The following KCNIP4 variants were observed in gnomAD, a reference collection of about 807,000 sequenced individuals.
KCNIP4 encodes the protein potassium voltage-gated channel interacting protein 4, also known as Kv channel-interacting protein 4.
Under a neutral mutation model 34.0 loss-of-function variants are expected in KCNIP4, and 12 were observed. That is an observed-to-expected ratio of 0.35 (90% CI 0.23 to 0.57). The LOEUF (loss-of-function observed/expected upper bound fraction) is 0.57. KCNIP4 is among the 20% of genes least tolerant of loss of function. The probability of loss-of-function intolerance (pLI) is 0.83; values close to 1 mark genes in which losing one functional copy is unlikely to be tolerated. For synonymous variants in KCNIP4, 124 were observed against 102.2 expected (o/e 1.21, Z -1.29); for missense variants, 238 against 311.7 (o/e 0.76, Z 1.78).
Position 21,352,645 on chromosome 4 carries a change from C to T in KCNIP4, c.62-469936G>A, listed in dbSNP as rs1328671502. Among the ~76,000 whole-genome samples, 3 of 152,248 alleles carry T rather than the reference C, an allele frequency of 2.0e-5. No individual in the cohort carries two copies. The East Asian group carries it at 5.8e-4, about 29-fold the overall frequency. On this transcript the variant is annotated intron_variant, in intron 1 of 8. Coordinates refer to ENST00000382152, the MANE Select transcript of KCNIP4 (RefSeq NM_025221.6). ...CAGGAAGCCTGAACTGGGCGGAGCC[C>T]ACCACAGCTCAGCAAGGCCTGCTGC...
chr4:21,247,288 G>A (rs544201121), intron 1 of KCNIP4, among the ~76,000 whole-genome samples: 1 of 151,954 alleles, frequency 6.6e-6, no homozygotes, highest in African/African-American at 2.4e-5. Flanking sequence ...GCTTCTGTTA[G>A]CCATCCATAC....
intron 1 of KCNIP4, among the ~76,000 whole-genome samples, chr4:21,608,167 C>A (rs1560558025): frequency 2.0e-5 from 3 of 152,172 alleles, no homozygotes; most frequent in Admixed American, 6.6e-5. Context: ...TATTCTTCCA[C>A]AACTAATTAC....
At chr4:21,337,070 G>C (rs1716248428) in intron 1 of KCNIP4, among the ~76,000 whole-genome samples, 1 of 151,612 alleles carries the variant, frequency 6.6e-6, no homozygotes, top group African/African-American at 2.4e-5. Context: ...GGTCGTAAAA[G>C]AAGACAGTGA....
At chr4:21,720,013 A>AAGAAGGAGAAGGAGAAGG (rs71191538) in intron 1 of KCNIP4, among the ~76,000 whole-genome samples, 1 of 131,234 alleles carries the variant, frequency 7.6e-6, no homozygotes, top group African/African-American at 3.2e-5. Context: ...AAAGAAGAAG[A>AAGAAGGAGAAGGAGAAGG]AGAAGGAGAA....
At chr4:21,247,865 T>TACACACACAC (rs546614225) in intron 1 of KCNIP4, among the ~76,000 whole-genome samples, 36 of 122,428 alleles carry the variant, frequency 2.9e-4, no homozygotes, top group African/African-American at 1.2e-3. Flanking sequence ...TATATATATA[T>TACACACACAC]ACACACACAC....
intron 1 of KCNIP4, among the ~76,000 whole-genome samples, chr4:21,651,184 A>G (rs1011785851): frequency 6.6e-6 from 1 of 152,170 alleles, no homozygotes; most frequent in East Asian, 1.9e-4. Context: ...TCTTTCTCAC[A>G]GTCAAAGGGA....
chr4:21,780,435 C>T (rs984885889), intron 1 of KCNIP4, among the ~76,000 whole-genome samples: 4 of 152,184 alleles, frequency 2.6e-5, no homozygotes, highest in African/African-American at 9.7e-5. Flanking sequence ...CCACCACCTC[C>T]ACCACTCTCA....
intron 1 of KCNIP4, among the ~76,000 whole-genome samples, chr4:21,912,125 T>A (rs1030911675): frequency 6.6e-6 from 1 of 152,170 alleles, no homozygotes; most frequent in South Asian, 2.1e-4. Flanking sequence ...TCTCATTTTT[T>A]AAACTGTAAT....
intron 1 of KCNIP4, among the ~76,000 whole-genome samples, chr4:21,354,587 A>G (rs1024594500): frequency 1.3e-5 from 2 of 152,226 alleles, no homozygotes; most frequent in African/African-American, 2.4e-5. Context: ...CAATTCAACA[A>G]GAAGTGCTAA....
chr4:21,616,664 C>T (rs1397508695), intron 1 of KCNIP4, among the ~76,000 whole-genome samples: 1 of 152,066 alleles, frequency 6.6e-6, no homozygotes, highest in East Asian at 1.9e-4. Context: ...GCTGGCAATC[C>T]GAGATTTTTC....
At chr4:20,926,723 G>A (rs914868462) in intron 1 of KCNIP4, among the ~76,000 whole-genome samples, 2 of 152,164 alleles carry the variant, frequency 1.3e-5, no homozygotes, top group Non-Finnish European at 2.9e-5. Context: ...TTACAGCTGA[G>A]TTTCCACATG....
chr4:21,396,715 G>T (rs1407837641), intron 1 of KCNIP4, among the ~76,000 whole-genome samples: 1 of 152,044 alleles, frequency 6.6e-6, no homozygotes. Context: ...ACAACAGCAA[G>T]GGGGTCAGAG....
At chr4:21,552,037 T>A (rs527517253) in intron 1 of KCNIP4, among the ~76,000 whole-genome samples, 2 of 144,674 alleles carry the variant, frequency 1.4e-5, no homozygotes, top group East Asian at 2.0e-4. Flanking sequence ...AGAGCTTTTT[T>A]TAAAAAAAAA....
intron 1 of KCNIP4, among the ~76,000 whole-genome samples, chr4:21,283,831 A>G (rs1038218224): frequency 1.3e-5 from 2 of 151,978 alleles, no homozygotes; most frequent in Admixed American, 1.3e-4. Context: ...AAATCATGCT[A>G]CTATAAAGAC....
intron 1 of KCNIP4, among the ~76,000 whole-genome samples, chr4:21,361,679 T>C (rs1321950833): frequency 6.7e-6 from 1 of 149,986 alleles, no homozygotes; most frequent in Non-Finnish European, 1.5e-5. Context: ...AGATTGTTTT[T>C]TTTTTCATTC....
intron 1 of KCNIP4, among the ~76,000 whole-genome samples, chr4:21,458,057 T>G (rs2109765335): frequency 6.6e-6 from 1 of 151,626 alleles, no homozygotes; most frequent in South Asian, 2.1e-4. Flanking sequence ...GTTAGTTACA[T>G]ATGTATACAT....
At chr4:21,937,761 G>A (rs2109015887) in intron 1 of KCNIP4, among the ~76,000 whole-genome samples, 1 of 152,004 alleles carries the variant, frequency 6.6e-6, no homozygotes, top group African/African-American at 2.4e-5. Flanking sequence ...TCTTCTATTT[G>A]TCTGATGTGT....
intron 1 of KCNIP4, among the ~76,000 whole-genome samples, chr4:21,616,377 A>T (rs1744608167): frequency 6.6e-6 from 1 of 151,974 alleles, no homozygotes; most frequent in Admixed American, 6.6e-5. Flanking sequence ...ACATCTCCAG[A>T]CTGCTCTTCC....
chr4:21,312,854 C>T (rs911418707), intron 1 of KCNIP4, among the ~76,000 whole-genome samples: 3 of 152,264 alleles, frequency 2.0e-5, no homozygotes, highest in African/African-American at 4.8e-5. Context: ...CTGGAGAATC[C>T]GTCTTTCAGC....
Sources: gnomAD v4.1 joint callset for allele counts (sites outside exome capture counted in the v4.1 genomes callset) on GRCh38, gnomAD v4.1.1 for gene constraint, MANE v1.5 for transcripts, NCBI Gene and HGNC (gene_info 2026-07-23, HGNC 2026-07-21) for gene names.